Variants in MRRF observed in about 807,000 individuals in gnomAD.
The protein encoded by MRRF is ribosome-recycling factor, mitochondrial.
Under a neutral mutation model 25.1 loss-of-function variants are expected in MRRF, and 18 were observed. That is an observed-to-expected ratio of 0.72 (90% CI 0.50 to 1.06). The LOEUF (loss-of-function observed/expected upper bound fraction) is 1.06. MRRF is among the 50% of genes least tolerant of loss of function. The pLI is 0.00. For missense variants in MRRF, 323 were observed against 319.3 expected (o/e 1.01, Z -0.09); for synonymous variants, 113 against 112.1 (o/e 1.01, Z -0.05).
chr9:122,309,727 T>C (rs1193475919), intron 5 of MRRF, among the ~76,000 whole-genome samples: 2 of 152,234 alleles, frequency 1.3e-5, no homozygotes, highest in African/African-American at 4.8e-5. Context: ...TAATGCTATC[T>C]CCCTTTTTTC....
At chr9:122,279,449 A>G (rs1564477484) in intron 2 of MRRF, among the ~76,000 whole-genome samples, 1 of 152,260 alleles carries the variant, frequency 6.6e-6, no homozygotes, top group Non-Finnish European at 1.5e-5. Context: ...CAAATAGTAC[A>G]GGATTGAGTT....
intron 2 of MRRF, among the ~76,000 whole-genome samples, chr9:122,280,007 A>G (rs1832999363): frequency 6.6e-6 from 1 of 152,170 alleles, no homozygotes; most frequent in African/African-American, 2.4e-5. Flanking sequence ...TCTTCTGTTT[A>G]CTTTTCTGAA....
intron 5 of MRRF, among the ~76,000 whole-genome samples, chr9:122,306,391 C>T (rs1258631259): frequency 3.3e-5 from 5 of 152,004 alleles, no homozygotes; most frequent in Non-Finnish European, 5.9e-5. Flanking sequence ...TAAGAGGGAC[C>T]GAATGGGAAC....
intron 3 of MRRF, among the ~76,000 whole-genome samples, chr9:122,282,539 AC>A (rs2118709779): frequency 6.6e-6 from 1 of 152,318 alleles, no homozygotes; most frequent in South Asian, 2.1e-4. Context: ...AGTTGGTCAG[AC>A]CTGGGTTTGA....
intron 5 of MRRF, among the ~76,000 whole-genome samples, chr9:122,296,986 C>T (rs1588051355): frequency 6.6e-6 from 1 of 152,160 alleles, no homozygotes; most frequent in Non-Finnish European, 1.5e-5. Context: ...TCATCAGCGT[C>T]TCTGTTGGTT....
At position 122,304,486 on chromosome 9, in the gene MRRF, GA is replaced by G. The variant is rs142085350; in HGVS notation, c.552-8738del. ...ACACAAGGATGTTCAGTCAAGAATC[GA>G]AAGCGTAGGATAGGCTGAAGAGCAA... is the stretch of plus-strand genomic sequence containing the variant. On this transcript the variant is annotated intron_variant, in intron 5 of 6. Transcript: ENST00000344641. Among the ~76,000 whole-genome samples the G allele has an allele frequency of 5.2e-3, 787 of 152,288 alleles. 4 individuals are homozygous for G. The highest frequency in any genetic ancestry group is 0.018 in the African/African-American group (765 of 41,544).
chr9:122,288,014 T>G (rs1833517900), intron 4 of MRRF, among the ~76,000 whole-genome samples: 1 of 152,196 alleles, frequency 6.6e-6, no homozygotes, highest in South Asian at 2.1e-4. Flanking sequence ...AACCTGAGCA[T>G]TTCCGTGTCA....
chr9:122,286,316 G>A, intron 4 of MRRF: 1 of 735,084 alleles, frequency 1.4e-6, no homozygotes, highest in Non-Finnish European at 1.9e-6. Context: ...CAAATCAAAG[G>A]GCTCTGATAG....
chr9:122,284,048 A>C (rs1156268850), intron 3 of MRRF, among the ~76,000 whole-genome samples: 1 of 151,980 alleles, frequency 6.6e-6, no homozygotes, highest in Non-Finnish European at 1.5e-5. Flanking sequence ...TACCAAAATG[A>C]AGGGTCGTAT....
At chr9:122,285,765 G>GTT (rs771234691) in intron 4 of MRRF, 48 of 1,109,952 alleles carry the variant, frequency 4.3e-5, no homozygotes, top group Admixed American at 2.2e-4. Flanking sequence ...GACTAATTGA[G>GTT]TTTTTTTTTT....
At chr9:122,277,999 G>T (rs1307396476) in intron 2 of MRRF, among the ~76,000 whole-genome samples, 1 of 151,916 alleles carries the variant, frequency 6.6e-6, no homozygotes, top group Non-Finnish European at 1.5e-5. Context: ...TTAAGTTAGG[G>T]TATATGGGGT....
At chr9:122,308,550 T>G (rs1244990759) in intron 5 of MRRF, among the ~76,000 whole-genome samples, 1 of 151,528 alleles carries the variant, frequency 6.6e-6, no homozygotes, top group Non-Finnish European at 1.5e-5. Context: ...AATACAAAAA[T>G]TATCCAGGCA....
intron 6 of MRRF, among the ~76,000 whole-genome samples, chr9:122,320,242 A>G (rs945576489): frequency 6.6e-6 from 1 of 152,198 alleles, no homozygotes; most frequent in Non-Finnish European, 1.5e-5. Context: ...GAAATAGCAA[A>G]TAACCAGTTT....
intron 5 of MRRF, among the ~76,000 whole-genome samples, chr9:122,305,776 CTCTT>C (rs1197484939): frequency 6.6e-6 from 1 of 152,192 alleles, no homozygotes; most frequent in Non-Finnish European, 1.5e-5. Context: ...GTGTCTGTCT[CTCTT>C]TCACTAGAAT....
intron 5 of MRRF, among the ~76,000 whole-genome samples, chr9:122,299,045 A>C (rs570856240): frequency 6.6e-6 from 1 of 152,198 alleles, no homozygotes; most frequent in African/African-American, 2.4e-5. Context: ...GGGATGTTCA[A>C]GGAACAGCAA....
chr9:122,313,964 C>T (rs1419157983), intron 6 of MRRF, among the ~76,000 whole-genome samples: 1 of 151,950 alleles, frequency 6.6e-6, no homozygotes, highest in Non-Finnish European at 1.5e-5. Flanking sequence ...GGGGTTTGAA[C>T]GTAGGATAAG....
At chr9:122,313,020 C>T (rs1359354855) in intron 5 of MRRF, among the ~76,000 whole-genome samples, 1 of 152,002 alleles carries the variant, frequency 6.6e-6, no homozygotes, top group Non-Finnish European at 1.5e-5. Flanking sequence ...AGTTTGGTAC[C>T]TTCTACAAAG....
At chr9:122,292,006 T>C (rs1256339359) in intron 5 of MRRF, among the ~76,000 whole-genome samples, 166 bp downstream of exon 5, 2 of 152,246 alleles carry the variant, frequency 1.3e-5, no homozygotes, top group Admixed American at 6.5e-5. Context: ...GAAATACTTA[T>C]TGAGCGCCTG....
intron 2 of MRRF, among the ~76,000 whole-genome samples, chr9:122,279,003 G>T (rs1306292498): frequency 6.6e-6 from 1 of 152,058 alleles, no homozygotes; most frequent in African/African-American, 2.4e-5. Context: ...CTCCCGAGTA[G>T]CCGGGATTAC....
Sources: allele counts gnomAD v4.1 joint callset (sites outside exome capture counted in the v4.1 genomes callset), GRCh38; gene constraint gnomAD v4.1.1; transcripts MANE v1.5; gene names NCBI Gene and HGNC (gene_info 2026-07-23, HGNC 2026-07-21).